Variants in PDS5B observed in about 807,000 individuals in gnomAD.
PDS5B encodes the protein PDS5 cohesin associated factor B.
In PDS5B, 51 loss-of-function variants were observed where a neutral mutation model predicts 184.1. That is an observed-to-expected ratio of 0.28 (90% CI 0.22 to 0.35). The LOEUF is 0.35. Ranked by LOEUF, PDS5B falls within the 10% of genes least tolerant of loss-of-function variation. The pLI is 1.00. For synonymous variants in PDS5B, 566 were observed against 569.2 expected (o/e 0.99, Z 0.08); for missense variants, 1,180 against 1,723.3 (o/e 0.68, Z 5.58).
intron 19 of PDS5B, among the ~76,000 whole-genome samples, chr13:32,713,713 G>T (rs1952278304): frequency 6.6e-6 from 1 of 152,124 alleles, no homozygotes; most frequent in Admixed American, 6.5e-5. Flanking sequence ...CTTTGGAGAA[G>T]ACAGTAGAAT....
At chr13:32,655,374 A>ATATATATATATATATATATATATATATAT in intron 3 of PDS5B, among the ~76,000 whole-genome samples, 1 of 72,466 alleles carries the variant, frequency 1.4e-5, no homozygotes, top group Non-Finnish European at 2.2e-5. Context: ...ATATATATAT[A>ATATATATATATATATATATATATATATAT]TTTTTTTTTT....
chr13:32,675,917 T>C lies in PDS5B; in HGVS notation c.920T>C (p.Leu307Ser). 1 of 1,613,844 alleles carries C rather than the reference T, an allele frequency of 6.2e-7. No individual in the cohort carries two copies. The highest frequency in any genetic ancestry group is 1.3e-5 in the African/African-American group (1 of 75,054). Residue 307 changes from leucine to serine, a missense_variant, in exon 9 of 35, where the codon TTG (leucine) becomes TCG (serine). Physicochemically the swap from Leu to Ser is moderately radical, Grantham distance 145. Around this residue, in one of 11 missense-constraint regions of PDS5B, gnomAD observed 475 missense variants for 691.5 expected, o/e 0.69. Coordinates refer to ENST00000315596, the MANE Select transcript of PDS5B (RefSeq NM_015032.4). The stretch of plus-strand genomic sequence containing the variant: ...ATGTTTGGGGCAAAGGATTCAGAAT[T>C]GGCTTCTCAAAACAAGCCACTTTGG... ...AKMFGAKDSE[L>S]ASQNKPLWQC...
At position 32,615,700 on chromosome 13, in the gene PDS5B, C is replaced by T. The variant is rs1043823762; in HGVS notation, c.-20+29107C>T. On this transcript the variant is annotated intron_variant, in intron 1 of 34. Coordinates refer to ENST00000315596, the MANE Select transcript of PDS5B (RefSeq NM_015032.4). ...AATTAAATTCCAGCTGTATCAAATA[C>T]AAGTATTTTCACCATGTGAGCTCTG... Among the ~76,000 whole-genome samples the T allele has an allele frequency of 3.9e-5, 6 of 152,230 alleles. No individual in the cohort carries two copies. The East Asian group carries it at 1.2e-3, about 29-fold the overall frequency.
intron 1 of PDS5B, among the ~76,000 whole-genome samples, chr13:32,625,562 T>C (rs938411730): frequency 6.6e-6 from 1 of 152,212 alleles, no homozygotes; most frequent in Non-Finnish European, 1.5e-5. Context: ...TTTATCCTGA[T>C]GGGGTTTTGT....
At chr13:32,673,503 G>A in intron 8 of PDS5B, 147 bp downstream of exon 8, 1 of 683,160 alleles carries the variant, frequency 1.5e-6, no homozygotes, top group South Asian at 2.2e-5. Flanking sequence ...TTTGTGCCGT[G>A]TCTGTTTGTG....
intron 24 of PDS5B, among the ~76,000 whole-genome samples, chr13:32,749,552 T>C (rs1953895538): frequency 6.6e-6 from 1 of 152,210 alleles, no homozygotes; most frequent in South Asian, 2.1e-4. Context: ...AAAGATTTAC[T>C]CTGTACTTCT....
intron 23 of PDS5B, among the ~76,000 whole-genome samples, chr13:32,743,987 A>G (rs1953657244): frequency 6.6e-6 from 1 of 152,016 alleles, no homozygotes; most frequent in Non-Finnish European, 1.5e-5. Context: ...TATTAATTAT[A>G]TTATTTTATA....
chr13:32,642,792 T>G (rs933934636), intron 1 of PDS5B, among the ~76,000 whole-genome samples: 2 of 152,174 alleles, frequency 1.3e-5, no homozygotes, highest in Non-Finnish European at 2.9e-5. Context: ...ATTCTGTGTA[T>G]TATTACCACT....
chr13:32,763,160 A>G (rs1954467302), intron 30 of PDS5B, among the ~76,000 whole-genome samples: 1 of 152,160 alleles, frequency 6.6e-6, no homozygotes, highest in South Asian at 2.1e-4. Context: ...GGGAAAAATT[A>G]TGAGAGGAAG....
At chr13:32,767,217 T>A (rs1954613309) in intron 31 of PDS5B, among the ~76,000 whole-genome samples, 1 of 152,134 alleles carries the variant, frequency 6.6e-6, no homozygotes, top group Non-Finnish European at 1.5e-5. Flanking sequence ...TCTTGACAAA[T>A]AGGAACTTTT....
intron 34 of PDS5B, 132 bp downstream of exon 34, chr13:32,773,456 A>T: frequency 1.3e-6 from 1 of 776,540 alleles, no homozygotes; most frequent in Non-Finnish European, 2.0e-6. Flanking sequence ...TTTATCTACC[A>T]GGTTGGATAA....
intron 6 of PDS5B, among the ~76,000 whole-genome samples, chr13:32,660,280 GGT>G (rs1189662504): frequency 4.6e-5 from 7 of 152,158 alleles, no homozygotes; most frequent in Non-Finnish European, 8.8e-5. Flanking sequence ...CCTTCACCTT[GGT>G]GCCCACATCT....
intron 10 of PDS5B, among the ~76,000 whole-genome samples, chr13:32,680,778 T>C (rs1286150619): frequency 6.6e-6 from 1 of 152,170 alleles, no homozygotes; most frequent in Non-Finnish European, 1.5e-5. Context: ...ATTGAGTTGG[T>C]TGCTTAGTTG....
intron 1 of PDS5B, among the ~76,000 whole-genome samples, chr13:32,609,653 C>G (rs1336541449): frequency 1.3e-5 from 2 of 152,194 alleles, no homozygotes; most frequent in Admixed American, 1.3e-4. Flanking sequence ...CTCCTACATT[C>G]CAGACATACT....
At chr13:32,697,915 A>G (rs111524322) in intron 15 of PDS5B, among the ~76,000 whole-genome samples, 68 of 152,106 alleles carry the variant, frequency 4.5e-4, no homozygotes, top group African/African-American at 1.4e-3. Context: ...AGGTCTTCCT[A>G]TGTTGCCCAG....
chr13:32,618,517 G>GAA (rs112406209), intron 1 of PDS5B, among the ~76,000 whole-genome samples: 11 of 149,996 alleles, frequency 7.3e-5, no homozygotes, highest in Admixed American at 1.3e-4. Flanking sequence ...TTACTGTGTA[G>GAA]AAAAAAAAAA....
intron 1 of PDS5B, among the ~76,000 whole-genome samples, chr13:32,640,163 A>T (rs1481749258): frequency 6.6e-6 from 1 of 152,110 alleles, no homozygotes; most frequent in Non-Finnish European, 1.5e-5. Context: ...TCTTGTACTC[A>T]GTGTGATTAA....
chr13:32,679,884 AGTGT>A (rs34635708), intron 10 of PDS5B, among the ~76,000 whole-genome samples: 36,529 of 143,526 alleles, frequency 0.25, 4,685 homozygotes, highest in South Asian at 0.36. Context: ...TTCGTCTGTG[AGTGT>A]GTGTGTGTGT....
chr13:32,592,033 A>G (rs1756102077), intron 1 of PDS5B, among the ~76,000 whole-genome samples: 1 of 152,190 alleles, frequency 6.6e-6, no homozygotes, highest in South Asian at 2.1e-4. Flanking sequence ...GAAGCGACAC[A>G]CAGGAAGGGA....
Sources: gnomAD v4.1 joint callset for allele counts (sites outside exome capture counted in the v4.1 genomes callset) on GRCh38, gnomAD v4.1.1 for gene constraint, gnomAD v4.1.1 regional missense constraint, MANE v1.5 for transcripts, NCBI Gene and HGNC (gene_info 2026-07-23, HGNC 2026-07-21) for gene names.